Variants in TPCN1 observed in about 807,000 individuals in gnomAD.
The protein encoded by TPCN1 is two pore segment channel 1.
Under a neutral mutation model 108.8 loss-of-function variants are expected in TPCN1, and 52 were observed. The observed-to-expected ratio is 0.48, with a 90% CI of 0.38 to 0.60. The LOEUF (loss-of-function observed/expected upper bound fraction) is 0.60. TPCN1 is among the 20% of genes least tolerant of loss of function. TPCN1 has a pLI of 0.00. For synonymous variants in TPCN1, 446 were observed against 433.7 expected (o/e 1.03, Z -0.35); for missense variants, 806 against 1,072.8 (o/e 0.75, Z 3.47).
rs140756335 is a variant in TPCN1 at position 113,293,012 on chromosome 12, G to A, written c.2192G>A (p.Arg731Gln). The A allele has an allele frequency of 1.7e-5, 27 of 1,613,006 alleles. No individual in the cohort carries two copies. Among genetic ancestry groups the A allele is most frequent in the East Asian group, 4.5e-5 (2 of 44,884 alleles). The change falls in exon 26 of 28, where the codon CGG becomes CAG. Residue 731 changes from arginine (R) to glutamine (Q), a missense_variant. Physicochemically the swap from Arg to Gln is conservative, Grantham distance 43 (BLOSUM62 1). Coordinates refer to ENST00000335509, the MANE Select transcript of TPCN1 (RefSeq NM_017901.6). Reference protein sequence around the residue: ...VAVLELYREARGASSDVTRLL... With the variant: ...VAVLELYREAQGASSDVTRLL... Reference sequence around the variant, plus strand: ...GTCCTGGAGCTCTACCGGGAGGCACGGGGGGCCTCCTCGGATGTCACCAGG... The same window carrying A: ...GTCCTGGAGCTCTACCGGGAGGCACAGGGGGCCTCCTCGGATGTCACCAGG...
At chr12:113,291,509 G>A (rs751223543) in intron 23 of TPCN1, 100 bp from the exon 24 acceptor site, 5 of 978,890 alleles carry the variant, frequency 5.1e-6, no homozygotes, top group African/African-American at 1.6e-5. Context: ...CACAAATCAC[G>A]GTGGGGTCTG....
intron 2 of TPCN1, among the ~76,000 whole-genome samples, chr12:113,240,227 C>T (rs1219508366): frequency 6.6e-6 from 1 of 152,104 alleles, no homozygotes; most frequent in Non-Finnish European, 1.5e-5. Flanking sequence ...TTTGCTATTT[C>T]CTCTTGGAGA....
chr12:113,253,127 T>G (rs1954710692), intron 2 of TPCN1, among the ~76,000 whole-genome samples: 1 of 152,060 alleles, frequency 6.6e-6, no homozygotes, highest in Non-Finnish European at 1.5e-5. Flanking sequence ...CCCGGGGAGG[T>G]TACTTAGCTT....
chr12:113,256,287 T>A (rs201996052), intron 2 of TPCN1, among the ~76,000 whole-genome samples: 7 of 151,766 alleles, frequency 4.6e-5, no homozygotes, highest in Admixed American at 3.9e-4. Context: ...TTTTACTTTT[T>A]AAATTTTTTT....
rs1956161946 is a variant in TPCN1 at position 113,288,407 on chromosome 12, C to T, written c.1706+173C>T. On this transcript the variant is annotated intron_variant, in intron 20 of 27. Transcript: ENST00000335509. This position sits in a 1 kb window ranked among gnomAD's most constrained non-coding sequence, Gnocchi z 4.8. ...TTGACCACCACAGGTCTCCTGGGCA[C>T]CATTTTTCTCCACTGACCTGTCTGA... The T allele has an allele frequency of 6.7e-7, 1 of 1,484,176 alleles. No homozygotes were observed. Among genetic ancestry groups the T allele is most frequent in the Non-Finnish European group, 8.9e-7 (1 of 1,119,386 alleles). The allele number at this position is 1,484,176 out of a possible 1,614,324, so 91.9% of individuals were successfully genotyped here. A position where few individuals can be genotyped will look rare whatever the true frequency, so the allele number is the denominator to read the frequency against.
rs1046896249 is a variant in TPCN1, at chr12:113,293,014, G to T, written c.2194G>T (p.Gly732Trp). Residue 732 changes from glycine to tryptophan, a missense_variant, in exon 26 of 28, where the codon GGG becomes TGG. Transcript: ENST00000335509. ...AVLELYREAR[G>W]ASSDVTRLLE... ...CCTGGAGCTCTACCGGGAGGCACGG[G>T]GGGCCTCCTCGGATGTCACCAGGCT... The T allele has an allele frequency of 6.2e-7, 1 of 1,613,178 alleles. No homozygotes were observed. Among genetic ancestry groups the T allele is most frequent in the African/African-American group, 1.3e-5 (1 of 74,930 alleles).
At chr12:113,276,855 C>G (rs1566185486) in intron 10 of TPCN1, 64 bp from the exon 11 acceptor site, 2 of 1,100,026 alleles carry the variant, frequency 1.8e-6, no homozygotes, top group East Asian at 4.7e-5. Flanking sequence ...ACTCATACCC[C>G]CCTGCACTCC....
chr12:113,251,655 G>T (rs917814718), intron 2 of TPCN1, among the ~76,000 whole-genome samples: 2 of 152,248 alleles, frequency 1.3e-5, no homozygotes, highest in Non-Finnish European at 1.5e-5. Flanking sequence ...CGGCCAGCCC[G>T]TGAGGCCCAG....
At chr12:113,235,201 A>C (rs1953837905) in intron 2 of TPCN1, among the ~76,000 whole-genome samples, 1 of 152,176 alleles carries the variant, frequency 6.6e-6, no homozygotes, top group Admixed American at 6.5e-5. Context: ...TGGAGGGTGG[A>C]GGTGTCAAGC....
intron 27 of TPCN1, among the ~76,000 whole-genome samples, chr12:113,295,342 C>T (rs1014628020): frequency 2.0e-5 from 3 of 150,282 alleles, no homozygotes; most frequent in Non-Finnish European, 4.4e-5. Flanking sequence ...GCTTGGGAGG[C>T]TGAGGCGGGA....
chr12:113,264,262 G>A (rs1397559046), intron 3 of TPCN1, among the ~76,000 whole-genome samples: 2 of 152,210 alleles, frequency 1.3e-5, no homozygotes, highest in Non-Finnish European at 2.9e-5. Flanking sequence ...TGCCGGGTTT[G>A]CTGCTGGGTC....
chr12:113,270,434 T>C (rs1396614272), intron 7 of TPCN1, among the ~76,000 whole-genome samples: 1 of 151,640 alleles, frequency 6.6e-6, no homozygotes, highest in Non-Finnish European at 1.5e-5. Context: ...CCTCACGTGG[T>C]GGAAGGTGGG....
At chr12:113,264,402 A>T (rs1437886528) in intron 3 of TPCN1, among the ~76,000 whole-genome samples, 1 of 152,138 alleles carries the variant, frequency 6.6e-6, no homozygotes, top group Non-Finnish European at 1.5e-5. Flanking sequence ...GAATGGGCCG[A>T]GCATGGTGGC....
rs751781185 is a variant in TPCN1 at position 113,290,188 on chromosome 12, G to A, written c.1857G>A (p.Val619=). The A allele has an allele frequency of 6.2e-7, 1 of 1,608,000 alleles. No homozygotes were observed. Among genetic ancestry groups the A allele is most frequent in the Admixed American group, 1.7e-5 (1 of 59,338 alleles). The change falls in exon 22 of 28, where the codon GTG becomes GTA. Residue 619 remains valine, a synonymous_variant. Transcript: ENST00000335509. Reference sequence around the variant, plus strand: ...ACCACACCGTGGGCAACAGGACCGTGGTGGAGGAAGGCTACTATTATCTCA... The same window carrying A: ...ACCACACCGTGGGCAACAGGACCGTAGTGGAGGAAGGCTACTATTATCTCA... ...WRNHTVGNRT[V]VEEGYYYLNN...
Position 113,292,931 on chromosome 12 carries a change from CA to C in TPCN1, c.2114-2del. On this transcript the variant is annotated splice_acceptor_variant, in intron 25 of 27. Transcript: ENST00000335509. LOFTEE classifies it high-confidence loss of function. Reference sequence around the variant, plus strand: ...TTCCCACACCTGCCTTCCATCCCTGCAGTTGATGGTGGCATCACCCTTGAGA... The same window carrying C: ...TTCCCACACCTGCCTTCCATCCCTGCGTTGATGGTGGCATCACCCTTGAGA... 1 of 1,610,752 alleles carries C rather than the reference CA, an allele frequency of 6.2e-7. No individual in the cohort carries two copies. The highest frequency in any genetic ancestry group is 8.5e-7 in the Non-Finnish European group (1 of 1,179,064).
At chr12:113,295,093 A>T (rs182806722) in intron 27 of TPCN1, among the ~76,000 whole-genome samples, 3 of 152,302 alleles carry the variant, frequency 2.0e-5, no homozygotes, top group East Asian at 1.9e-4. Flanking sequence ...CAGTCACTCC[A>T]TGCCTCCCTG....
intron 2 of TPCN1, chr12:113,249,865 C>T (rs1954563390): frequency 6.6e-6 from 1 of 152,226 alleles, no homozygotes. Flanking sequence ...CATTTATTCT[C>T]CAGCTCCGTC....
rs113793224 is a variant in TPCN1, at chr12:113,224,027, G to A, written c.-126+2401G>A. On this transcript the variant is annotated intron_variant, in intron 1 of 27. Coordinates refer to ENST00000335509, the MANE Select transcript of TPCN1 (RefSeq NM_017901.6). Reference sequence around the variant, plus strand: ...AAGTATGTTTCTAACTGTTCTGAGAGGCTGCATGGTAAAGCTGAAGTGAAA... The same window carrying A: ...AAGTATGTTTCTAACTGTTCTGAGAAGCTGCATGGTAAAGCTGAAGTGAAA... 1.4e-4 allele frequency among the ~76,000 whole-genome samples: 22 copies of A among 152,308 alleles called. 1 individual carries two copies. The highest frequency in any genetic ancestry group is 5.1e-4 in the African/African-American group (21 of 41,576).
chr12:113,279,342 T>G (rs1955787829), intron 14 of TPCN1, among the ~76,000 whole-genome samples: 1 of 125,000 alleles, frequency 8.0e-6, no homozygotes, highest in Non-Finnish European at 1.6e-5. Flanking sequence ...TGTGTGTATA[T>G]ATATGTGTGT....
Sources: allele counts gnomAD v4.1 joint callset (sites outside exome capture counted in the v4.1 genomes callset), GRCh38; gene constraint gnomAD v4.1.1; non-coding constraint Gnocchi (gnomAD v3.1); transcripts MANE v1.5; gene names NCBI Gene and HGNC (gene_info 2026-07-23, HGNC 2026-07-21).